The following SLC2A13 variants were observed in gnomAD, a reference collection of about 807,000 sequenced individuals.
The protein encoded by SLC2A13 is proton myo-inositol cotransporter.
A neutral mutation model predicts 64.4 loss-of-function variants in SLC2A13; 32 were observed. The observed-to-expected ratio is 0.50, with a 90% CI of 0.37 to 0.67. The LOEUF (loss-of-function observed/expected upper bound fraction) is 0.67. SLC2A13 is among the 30% of genes least tolerant of loss of function. The probability of loss-of-function intolerance (pLI) is 0.00; values close to 1 mark genes in which losing one functional copy is unlikely to be tolerated. For synonymous variants in SLC2A13, 338 were observed against 327.1 expected, an observed-to-expected ratio of 1.03 and a Z score of -0.36; for missense variants, 743 against 829.2, an observed-to-expected ratio of 0.90 and a Z score of 1.28.
chr12:39,768,634 G>A (rs573381468), intron 7 of SLC2A13, among the ~76,000 whole-genome samples: 1 of 152,116 alleles, frequency 6.6e-6, no homozygotes, highest in Admixed American at 6.5e-5. Flanking sequence ...TTGGTGGAGT[G>A]GTCAGAACAC....
intron 7 of SLC2A13, among the ~76,000 whole-genome samples, chr12:39,818,695 T>C (rs1942406727): frequency 6.6e-6 from 1 of 152,172 alleles, no homozygotes; most frequent in African/African-American, 2.4e-5. Flanking sequence ...GTATACTATC[T>C]TAGGTTATAC....
chr12:40,043,116 AT>A (rs200326651), intron 2 of SLC2A13, among the ~76,000 whole-genome samples: 181 of 151,492 alleles, frequency 1.2e-3, no homozygotes, highest in Non-Finnish European at 1.7e-3. Flanking sequence ...AAAGAATTTA[AT>A]TTTTTTTTCC....
At chr12:39,851,888 A>C (rs1050375964) in intron 6 of SLC2A13, among the ~76,000 whole-genome samples, 1 of 152,228 alleles carries the variant, frequency 6.6e-6, no homozygotes, top group African/African-American at 2.4e-5. Flanking sequence ...CTTGTGCTAA[A>C]ATATAAATAA....
intron 1 of SLC2A13, among the ~76,000 whole-genome samples, chr12:40,065,569 A>G (rs541101985): frequency 1.3e-5 from 2 of 151,854 alleles, no homozygotes; most frequent in East Asian, 1.9e-4. Flanking sequence ...TGGGCAACAG[A>G]ATGAGACTGT....
At chr12:39,941,316 G>C (rs1301271643) in intron 4 of SLC2A13, among the ~76,000 whole-genome samples, 2 of 152,116 alleles carry the variant, frequency 1.3e-5, no homozygotes, top group Non-Finnish European at 2.9e-5. Flanking sequence ...TCAAATGGTA[G>C]TTCTACTTCT....
At chr12:39,889,820 A>G (rs527946246) in intron 4 of SLC2A13, among the ~76,000 whole-genome samples, 30 of 152,176 alleles carry the variant, frequency 2.0e-4, no homozygotes, top group South Asian at 6.2e-4. Context: ...GTGAGCCACC[A>G]GGCCTGGCCA....
chr12:40,046,718 C>T (rs1036826280), intron 2 of SLC2A13, among the ~76,000 whole-genome samples: 3 of 151,786 alleles, frequency 2.0e-5, no homozygotes, highest in African/African-American at 7.2e-5. Flanking sequence ...AAAACTGTGT[C>T]CTCCCCTTAA....
rs1947704430 is a variant in SLC2A13 at position 40,020,942 on chromosome 12, T to A, written c.925+7359A>T. Among the ~76,000 whole-genome samples the A allele has an allele frequency of 2.6e-5, 4 of 152,078 alleles. No individual in the cohort carries two copies. The South Asian group carries it at 8.3e-4, about 32-fold the overall frequency. On this transcript the variant is annotated intron_variant, in intron 3 of 9. Coordinates refer to ENST00000280871, the MANE Select transcript of SLC2A13 (RefSeq NM_052885.4). ...TGGGTTTTTTTTTTTTCATTCCATT[T>A]AATCGTATTAAATACAGAGCAGTAA...
chr12:39,907,292 A>G (rs542300714), intron 4 of SLC2A13, among the ~76,000 whole-genome samples: 4 of 152,270 alleles, frequency 2.6e-5, no homozygotes, highest in African/African-American at 7.2e-5. Flanking sequence ...AAGAGAACAT[A>G]TATGTATTAT....
chr12:40,004,059 T>C (rs1947366707), intron 3 of SLC2A13, among the ~76,000 whole-genome samples: 1 of 152,000 alleles, frequency 6.6e-6, no homozygotes. Flanking sequence ...AAATACAAAT[T>C]TAAAAAAAGA....
chr12:39,884,978 C>A (rs1459991290), intron 4 of SLC2A13, among the ~76,000 whole-genome samples: 1 of 152,152 alleles, frequency 6.6e-6, no homozygotes, highest in Admixed American at 6.6e-5. Flanking sequence ...TATTCAGGTG[C>A]CTGACTAGAA....
At chr12:39,793,283 C>T (rs75935003) in intron 7 of SLC2A13, among the ~76,000 whole-genome samples, 139 of 152,100 alleles carry the variant, frequency 9.1e-4, no homozygotes, top group Non-Finnish European at 1.6e-3. Context: ...TGACAAAAGA[C>T]GTGCAAAATT....
At chr12:39,970,090 G>C (rs1946614930) in intron 3 of SLC2A13, among the ~76,000 whole-genome samples, 2 of 152,196 alleles carry the variant, frequency 1.3e-5, no homozygotes, top group Admixed American at 1.3e-4. Context: ...CATCAGGTTT[G>C]TCAAAGATCA....
chr12:40,063,417 T>C (rs1162388852), intron 1 of SLC2A13, among the ~76,000 whole-genome samples: 1 of 151,202 alleles, frequency 6.6e-6, no homozygotes, highest in East Asian at 2.0e-4. Flanking sequence ...AAGGAGATAT[T>C]CCTGCCAACA....
At chr12:40,002,152 G>A (rs1414739602) in intron 3 of SLC2A13, among the ~76,000 whole-genome samples, 4 of 152,116 alleles carry the variant, frequency 2.6e-5, no homozygotes, top group Non-Finnish European at 1.5e-5. Context: ...CTATCTAAAC[G>A]TCAACTACAA....
chr12:39,764,320 G>T, intron 9 of SLC2A13, 140 bp downstream of exon 9: 4 of 708,518 alleles, frequency 5.6e-6, no homozygotes, highest in Non-Finnish European at 8.7e-6. Flanking sequence ...CGATGCCTTT[G>T]GAGGACAAGA....
chr12:39,840,640 C>T (rs1322781775), intron 6 of SLC2A13, among the ~76,000 whole-genome samples: 1 of 151,994 alleles, frequency 6.6e-6, no homozygotes, highest in Non-Finnish European at 1.5e-5. Context: ...CTTCAAGACT[C>T]ATGTTCCTCT....
intron 3 of SLC2A13, among the ~76,000 whole-genome samples, chr12:39,981,466 G>A (rs1378530834): frequency 6.6e-6 from 1 of 150,964 alleles, no homozygotes; most frequent in African/African-American, 2.4e-5. Flanking sequence ...AGAATCAAAT[G>A]GACACAATAA....
intron 2 of SLC2A13, among the ~76,000 whole-genome samples, chr12:40,036,196 A>T (rs1947981259): frequency 6.6e-6 from 1 of 152,202 alleles, no homozygotes; most frequent in Admixed American, 6.5e-5. Context: ...GGAGTTAAGG[A>T]GAGCAGTTAT....
Sources: allele counts gnomAD v4.1 joint callset (sites outside exome capture counted in the v4.1 genomes callset), GRCh38; gene constraint gnomAD v4.1.1; transcripts MANE v1.5; gene names NCBI Gene and HGNC (gene_info 2026-07-23, HGNC 2026-07-21).